STXBP5L: variants seen among roughly 807,000 people sequenced by gnomAD.
STXBP5L encodes the protein syntaxin binding protein 5L, also known as syntaxin-binding protein 5-like.
Under a neutral mutation model 144.5 loss-of-function variants are expected in STXBP5L, and 65 were observed. That is an observed-to-expected ratio of 0.45 (90% CI 0.37 to 0.55). The LOEUF is 0.55. Among genes scored for constraint, STXBP5L ranks in the 20% least tolerant of loss-of-function variants. The pLI is 0.00. For synonymous variants in STXBP5L, 505 were observed against 469.6 expected, an observed-to-expected ratio of 1.08 and a Z score of -0.97; for missense variants, 1,298 against 1,405.5, an observed-to-expected ratio of 0.92 and a Z score of 1.22.
chr3:121,200,214 G>T (rs2048086139), intron 9 of STXBP5L, among the ~76,000 whole-genome samples: 1 of 151,972 alleles, frequency 6.6e-6, no homozygotes, highest in Admixed American at 6.6e-5. Flanking sequence ...GTCTTGGGAG[G>T]GTGTATGTGT....
intron 2 of STXBP5L, among the ~76,000 whole-genome samples, chr3:120,951,606 TA>T: frequency 6.6e-6 from 1 of 152,310 alleles, no homozygotes; most frequent in Non-Finnish European, 1.5e-5. Context: ...CACAATGAGA[TA>T]TCATCTCACA....
At chr3:120,935,244 G>A (rs1178681768) in intron 2 of STXBP5L, among the ~76,000 whole-genome samples, 1 of 151,174 alleles carries the variant, frequency 6.6e-6, no homozygotes, top group East Asian at 1.9e-4. Context: ...AAATAACAAT[G>A]TACCACTACA....
chr3:121,006,975 C>T (rs997223551), intron 3 of STXBP5L, among the ~76,000 whole-genome samples: 1 of 152,080 alleles, frequency 6.6e-6, no homozygotes, highest in Non-Finnish European at 1.5e-5. Context: ...CTCTGGCTAC[C>T]CTTAACATTT....
At chr3:121,378,488 C>A (rs1243441973) in intron 20 of STXBP5L, among the ~76,000 whole-genome samples, 2 of 151,932 alleles carry the variant, frequency 1.3e-5, no homozygotes, top group Non-Finnish European at 2.9e-5. Context: ...TGTTACACAG[C>A]CAAAATATAA....
At position 121,051,566 on chromosome 3, in the gene STXBP5L, C is replaced by T. The variant is rs1333147378; in HGVS notation, c.470+6031C>T. 3.3e-5 allele frequency among the ~76,000 whole-genome samples: 5 copies of T among 152,264 alleles called. No individual in the cohort carries two copies. The South Asian group carries it at 8.3e-4, about 25-fold the overall frequency. On this transcript the variant is annotated intron_variant, in intron 5 of 26. Coordinates refer to ENST00000471454, the MANE Select transcript of STXBP5L (RefSeq NM_001308330.2). ...AAACAAAGACACAACATACCAGAAT[C>T]TCTGGGACACATTCAAAGCAGTGTG...
At chr3:121,223,231 T>G in intron 11 of STXBP5L, 74 bp downstream of exon 11, 1 of 1,464,150 alleles carries the variant, frequency 6.8e-7, no homozygotes, top group Admixed American at 2.1e-5. Flanking sequence ...AAATTAAGGT[T>G]AAATATTTTC....
intron 2 of STXBP5L, among the ~76,000 whole-genome samples, chr3:120,926,555 C>T (rs1709643623): frequency 6.6e-6 from 1 of 151,882 alleles, no homozygotes; most frequent in Admixed American, 6.6e-5. Flanking sequence ...TTTGGTATTC[C>T]ACCTTCCTGT....
chr3:121,312,701 G>A (rs966855476), intron 19 of STXBP5L, among the ~76,000 whole-genome samples: 2 of 151,308 alleles, frequency 1.3e-5, no homozygotes, highest in Non-Finnish European at 2.9e-5. Flanking sequence ...GTTTAACAAA[G>A]CACATCTTGC....
intron 5 of STXBP5L, among the ~76,000 whole-genome samples, chr3:121,054,317 A>C (rs1308121371): frequency 6.6e-6 from 1 of 152,266 alleles, no homozygotes; most frequent in African/African-American, 2.4e-5. Context: ...CACTATTCAC[A>C]ATAGCAAAGA....
intron 20 of STXBP5L, among the ~76,000 whole-genome samples, chr3:121,372,621 A>T (rs1277554114): frequency 6.6e-6 from 1 of 152,036 alleles, no homozygotes; most frequent in Non-Finnish European, 1.5e-5. Context: ...GTGGTAGCCC[A>T]ATGCAGGTTT....
At chr3:121,308,830 ATAGATT>A (rs2043427147) in intron 19 of STXBP5L, among the ~76,000 whole-genome samples, 3 of 152,122 alleles carry the variant, frequency 2.0e-5, no homozygotes, top group African/African-American at 7.2e-5. Context: ...TGTAAAATAT[ATAGATT>A]TAATTTGTAT....
At chr3:121,384,541 A>G (rs1168263905) in intron 22 of STXBP5L, among the ~76,000 whole-genome samples, 1 of 152,146 alleles carries the variant, frequency 6.6e-6, no homozygotes, top group Non-Finnish European at 1.5e-5. Context: ...GTACAGTGTG[A>G]GTAAAAATCT....
intron 8 of STXBP5L, among the ~76,000 whole-genome samples, chr3:121,155,252 AT>A (rs2046071175): frequency 6.6e-6 from 1 of 151,796 alleles, no homozygotes; most frequent in East Asian, 1.9e-4. Flanking sequence ...CATTCCCCAC[AT>A]TTCAGACATA....
rs139949602 is a variant in STXBP5L, at chr3:121,061,455, T to C, written c.470+15920T>C. Reference sequence around the variant, plus strand: ...GAGGTGAAAGCATATTCTCTTGATTTGGGGTGGAGAGTTCTGTAGATGTCT... The same window carrying C: ...GAGGTGAAAGCATATTCTCTTGATTCGGGGTGGAGAGTTCTGTAGATGTCT... On this transcript the variant is annotated intron_variant, in intron 5 of 26. Coordinates refer to ENST00000471454, the MANE Select transcript of STXBP5L (RefSeq NM_001308330.2). 2.8e-3 allele frequency among the ~76,000 whole-genome samples: 423 copies of C among 152,328 alleles called. 5 individuals are homozygous for C. Among genetic ancestry groups the C allele is most frequent in the African/African-American group, 9.8e-3 (406 of 41,570 alleles).
chr3:121,180,186 C>G lies in STXBP5L; in HGVS notation c.877+22559C>G, dbSNP rs150189325. On this transcript the variant is annotated intron_variant, in intron 9 of 26. Transcript: ENST00000471454. The stretch of plus-strand genomic sequence containing the variant: ...GGAAAGAATCTTGAGAGCTGTGAGA[C>G]AAAAGTATCAGGTAACCCATAAAGG... 1.9e-3 allele frequency among the ~76,000 whole-genome samples: 289 copies of G among 152,188 alleles called. 2 individuals are homozygous for G. Among genetic ancestry groups the G allele is most frequent in the East Asian group, 4.3e-3 (22 of 5,170 alleles).
chr3:121,093,112 G>T (rs983508564), intron 5 of STXBP5L, among the ~76,000 whole-genome samples: 2 of 152,206 alleles, frequency 1.3e-5, no homozygotes, highest in Non-Finnish European at 2.9e-5. Flanking sequence ...TTGCATCCCA[G>T]GGATGAAGCC....
At chr3:121,134,039 A>T (rs565529643) in intron 7 of STXBP5L, among the ~76,000 whole-genome samples, 6 of 152,330 alleles carry the variant, frequency 3.9e-5, no homozygotes, top group Non-Finnish European at 4.4e-5. Context: ...CAGCTCTCTT[A>T]GTCCATTTTT....
chr3:121,182,737 T>C (rs962134141), intron 9 of STXBP5L, among the ~76,000 whole-genome samples: 1 of 151,974 alleles, frequency 6.6e-6, no homozygotes, highest in African/African-American at 2.4e-5. Flanking sequence ...TACACAAAAT[T>C]GATAGACCAT....
intron 22 of STXBP5L, among the ~76,000 whole-genome samples, chr3:121,387,832 G>T (rs1420798449): frequency 1.3e-5 from 2 of 152,186 alleles, no homozygotes; most frequent in Admixed American, 1.3e-4. Context: ...AAGTCAGGTA[G>T]CTTGATGCCT....
Sources: gnomAD v4.1 joint callset for allele counts (sites outside exome capture counted in the v4.1 genomes callset) on GRCh38, gnomAD v4.1.1 for gene constraint, MANE v1.5 for transcripts, NCBI Gene and HGNC (gene_info 2026-07-23, HGNC 2026-07-21) for gene names.